Variants in MINDY2 observed in about 807,000 individuals in gnomAD.
MINDY2 encodes MINDY lysine 48 deubiquitinase 2.
Under a neutral mutation model 68.2 loss-of-function variants are expected in MINDY2, and 52 were observed. The observed-to-expected ratio is 0.76, with a 90% CI of 0.61 to 0.96. The LOEUF is 0.96. Ranked by LOEUF, MINDY2 falls within the 40% of genes least tolerant of loss-of-function variation. MINDY2 has a pLI of 0.00. For synonymous variants in MINDY2, 372 were observed against 303.0 expected (o/e 1.23, Z -2.36); for missense variants, 881 against 773.4 (o/e 1.14, Z -1.65).
rs79378213 is a variant in MINDY2 at position 58,772,093 on chromosome 15, C to T, written c.698C>T (p.Ser233Phe). 1.9e-6 allele frequency: 3 copies of T among 1,613,744 alleles called. No homozygotes were observed. In the East Asian group the frequency reaches 6.7e-5, roughly 36 times the overall value. The change falls in exon 1 of 9, where the codon TCC becomes TTC. Residue 233 changes from serine to phenylalanine, a missense_variant. Physicochemically the swap from Ser to Phe is radical, Grantham distance 155. Transcript: ENST00000559228. ...GEETAQVLAA[S>F]KERFPGQSVY... ...GAGACCGCTCAGGTGCTGGCGGCCT[C>T]CAAGGAACGCTTCCCGGGACAATCT...
At chr15:58,818,279 G>A (rs2030832169) in intron 4 of MINDY2, among the ~76,000 whole-genome samples, 2 of 152,172 alleles carry the variant, frequency 1.3e-5, no homozygotes, top group Admixed American at 1.3e-4. Flanking sequence ...GGTGGGGGAA[G>A]ACAAGATCTT....
At chr15:58,781,396 T>C (rs563563925) in intron 1 of MINDY2, among the ~76,000 whole-genome samples, 2 of 152,248 alleles carry the variant, frequency 1.3e-5, no homozygotes, top group South Asian at 4.1e-4. Context: ...AACAACATTC[T>C]TTATTGCTCT....
intron 1 of MINDY2, among the ~76,000 whole-genome samples, chr15:58,783,159 G>T (rs1349714268): frequency 6.6e-6 from 1 of 151,962 alleles, no homozygotes; most frequent in Non-Finnish European, 1.5e-5. Flanking sequence ...AACCTCAGGT[G>T]ATCCGCCCAC....
chr15:58,787,984 T>G (rs1229716590), intron 2 of MINDY2, 21 bp downstream of exon 2: 2 of 1,540,916 alleles, frequency 1.3e-6, no homozygotes, highest in African/African-American at 2.8e-5. Flanking sequence ...AAAAGTGGAT[T>G]TTATATCTCT....
intron 2 of MINDY2, among the ~76,000 whole-genome samples, chr15:58,797,499 C>T (rs1352223444): frequency 6.6e-6 from 1 of 152,102 alleles, no homozygotes; most frequent in African/African-American, 2.4e-5. Context: ...CAAAGTGAGA[C>T]CCTATCTCAA....
Position 58,859,332 on chromosome 15 carries a change from T to G in MINDY2, c.*4722T>G, listed in dbSNP as rs1193842325. 1 of 152,152 alleles carries G rather than the reference T, an allele frequency of 6.6e-6. No homozygotes were observed. Among genetic ancestry groups the G allele is most frequent in the East Asian group, 1.9e-4 (1 of 5,206 alleles). 9.4% of individuals were successfully genotyped at this position (152,152 alleles called of 1,614,324 possible). A position where few individuals can be genotyped will look rare whatever the true frequency, so the allele number is the denominator to read the frequency against. On this transcript the variant is annotated 3_prime_UTR_variant, in exon 9 of 9. Coordinates refer to ENST00000559228, the MANE Select transcript of MINDY2 (RefSeq NM_001040450.3). ...GGTATCAAATTACTAATACAGTATATAAACTTCGTTTGCATTGGTGGAATT... is the reference window on the plus strand; with the variant it reads ...GGTATCAAATTACTAATACAGTATAGAAACTTCGTTTGCATTGGTGGAATT...
At chr15:58,823,785 CA>C (rs2031222280) in intron 5 of MINDY2, among the ~76,000 whole-genome samples, 1 of 152,076 alleles carries the variant, frequency 6.6e-6, no homozygotes, top group Admixed American at 6.6e-5. Context: ...GAGAAAGAAG[CA>C]ATAAAAACTA....
At chr15:58,775,606 C>T (rs1017930834) in intron 1 of MINDY2, among the ~76,000 whole-genome samples, 5 of 152,200 alleles carry the variant, frequency 3.3e-5, no homozygotes, top group South Asian at 2.1e-4. Context: ...GATAATGTAG[C>T]GTTCCCAATG....
chr15:58,854,680 A>G lies in MINDY2; in HGVS notation c.*70A>G, dbSNP rs529906962. The stretch of plus-strand genomic sequence containing the variant: ...AAAACCACAGGAGGAAAGGAAGAAA[A>G]ACCGATCAATACCGTCTGTGCCTGA... On this transcript the variant is annotated 3_prime_UTR_variant, in exon 9 of 9. Transcript: ENST00000559228. 6.6e-7 allele frequency: 1 copy of G among 1,520,348 alleles called. No homozygotes were observed. Among genetic ancestry groups the G allele is most frequent in the East Asian group, 2.3e-5 (1 of 43,780 alleles). The allele number at this position is 1,520,348 out of a possible 1,614,324, so 94.2% of individuals were successfully genotyped here.
At position 58,860,837 on chromosome 15, in the gene MINDY2, T is replaced by C. The variant is rs1336012825; in HGVS notation, c.*6227T>C. On this transcript the variant is annotated 3_prime_UTR_variant, in exon 9 of 9. Transcript: ENST00000559228. ...AGAATTTTTATTATTGTTTTTCACA[T>C]ATGTGAAATAAGCAGTTTTTTCAGG... The C allele has an allele frequency of 6.6e-6, 1 of 152,234 alleles. No individual in the cohort carries two copies. The highest frequency in any genetic ancestry group is 1.5e-5 in the Non-Finnish European group (1 of 68,040). The allele number at this position is 152,234 out of a possible 1,614,324, so 9.4% of individuals were successfully genotyped here.
chr15:58,795,295 T>C (rs1250537363), intron 2 of MINDY2, among the ~76,000 whole-genome samples: 4 of 152,232 alleles, frequency 2.6e-5, no homozygotes, highest in African/African-American at 9.6e-5. Context: ...TGGAGCAGTG[T>C]TTCAACTTTC....
At chr15:58,803,224 T>C (rs1165823262) in intron 3 of MINDY2, among the ~76,000 whole-genome samples, 1 of 152,098 alleles carries the variant, frequency 6.6e-6, no homozygotes, top group Admixed American at 6.5e-5. Flanking sequence ...CCCAGCACTT[T>C]GGGAGGCCGA....
At chr15:58,805,443 A>C (rs1162794984) in intron 3 of MINDY2, among the ~76,000 whole-genome samples, 1 of 152,228 alleles carries the variant, frequency 6.6e-6, no homozygotes, top group Non-Finnish European at 1.5e-5. Context: ...AGTTTTGTCT[A>C]ATAGTGTACT....
At chr15:58,845,518 A>C (rs1685399213) in intron 6 of MINDY2, among the ~76,000 whole-genome samples, 2 of 152,220 alleles carry the variant, frequency 1.3e-5, no homozygotes. Context: ...CCCAGTTAAA[A>C]TGTCTTTTTT....
chr15:58,819,595 G>A (rs2030931503), intron 4 of MINDY2, among the ~76,000 whole-genome samples: 1 of 152,128 alleles, frequency 6.6e-6, no homozygotes, highest in African/African-American at 2.4e-5. Flanking sequence ...ATACCCTCCT[G>A]CCTCAGCCTC....
At chr15:58,820,443 C>CAA (rs1313993928) in intron 4 of MINDY2, among the ~76,000 whole-genome samples, 9 of 88,308 alleles carry the variant, frequency 1.0e-4, no homozygotes, top group African/African-American at 1.6e-4. Flanking sequence ...GACTCCATCT[C>CAA]AAAAAAAAAA....
intron 3 of MINDY2, among the ~76,000 whole-genome samples, chr15:58,807,953 T>C (rs973274434): frequency 7.9e-5 from 12 of 152,100 alleles, no homozygotes; most frequent in Admixed American, 4.6e-4. Flanking sequence ...TCTAGTGTCA[T>C]TTTCAAGGAG....
Position 58,776,344 on chromosome 15 carries a change from C to T in MINDY2, c.840+4109C>T, listed in dbSNP as rs537317265. On this transcript the variant is annotated intron_variant, in intron 1 of 8. Transcript: ENST00000559228. ...CCCTCTCCTCCCCTACCTCATTCTCCAGGAGACAGAGAGAAAACAGAGGAA... is the reference window on the plus strand; with the variant it reads ...CCCTCTCCTCCCCTACCTCATTCTCTAGGAGACAGAGAGAAAACAGAGGAA... Among the ~76,000 whole-genome samples, 17 of 152,132 alleles carry T rather than the reference C, an allele frequency of 1.1e-4. 1 individual carries two copies. In the South Asian group the frequency reaches 3.5e-3, roughly 32 times the overall value.
intron 1 of MINDY2, among the ~76,000 whole-genome samples, chr15:58,772,756 A>G (rs1900521970): frequency 6.6e-6 from 1 of 152,216 alleles, no homozygotes; most frequent in Non-Finnish European, 1.5e-5. Flanking sequence ...CCATTTAAGG[A>G]AAAGCATTGG....
Sources: gnomAD v4.1 joint callset for allele counts (sites outside exome capture counted in the v4.1 genomes callset) on GRCh38, gnomAD v4.1.1 for gene constraint, MANE v1.5 for transcripts, NCBI Gene and HGNC (gene_info 2026-07-23, HGNC 2026-07-21) for gene names.